C1orf21: variants seen among roughly 807,000 people sequenced by gnomAD.
C1orf21 encodes uncharacterized protein C1orf21.
In C1orf21, 3 loss-of-function variants were observed where a neutral mutation model predicts 18.7. The ratio of observed to expected loss-of-function variants is 0.16; its 90% CI spans 0.07 to 0.42. The LOEUF (loss-of-function observed/expected upper bound fraction) is 0.42, where lower values mean the gene tolerates loss of function less well. Among genes scored for constraint, C1orf21 ranks in the 10% least tolerant of loss-of-function variants. C1orf21 has a pLI of 0.99. For synonymous variants in C1orf21, 41 were observed against 46.4 expected, an observed-to-expected ratio of 0.88 and a Z score of 0.47; for missense variants, 104 against 143.6, an observed-to-expected ratio of 0.72 and a Z score of 1.41.
At chr1:184,406,339 T>G (rs1321964637) in intron 1 of C1orf21, among the ~76,000 whole-genome samples, 1 of 152,228 alleles carries the variant, frequency 6.6e-6, no homozygotes, top group Non-Finnish European at 1.5e-5. Context: ...TCTTAAATAT[T>G]GTCAATCACA....
At position 184,522,748 on chromosome 1, in the gene C1orf21, C is replaced by T. The variant is rs574035442; in HGVS notation, c.189+15066C>T. On this transcript the variant is annotated intron_variant, in intron 3 of 5. Coordinates refer to ENST00000235307, the MANE Select transcript of C1orf21 (RefSeq NM_030806.4). ...ATTTGCCCAGGCTGGAGTGCAGTGG[C>T]GCAATTTTGGCTCACTGCAGCCTTG... is the stretch of plus-strand genomic sequence containing the variant. Among the ~76,000 whole-genome samples, 98 of 152,206 alleles carry T rather than the reference C, an allele frequency of 6.4e-4. 1 individual carries two copies. The highest frequency in any genetic ancestry group is 3.4e-3 in the Middle Eastern group (1 of 294).
chr1:184,572,675 C>T (rs1454296486), intron 3 of C1orf21, among the ~76,000 whole-genome samples: 2 of 152,062 alleles, frequency 1.3e-5, no homozygotes, highest in Non-Finnish European at 1.5e-5. Flanking sequence ...TGCTTCAGGC[C>T]AGGTGCGGTG....
At chr1:184,473,451 T>A (rs1657523975) in intron 1 of C1orf21, among the ~76,000 whole-genome samples, 1 of 150,716 alleles carries the variant, frequency 6.6e-6, no homozygotes, top group African/African-American at 2.4e-5. Context: ...GCAAAGCGAA[T>A]GAAAAAATGG....
At chr1:184,431,407 G>C (rs12750408) in intron 1 of C1orf21, among the ~76,000 whole-genome samples, 9,028 of 152,224 alleles carry the variant, frequency 0.059, 387 homozygotes, top group Middle Eastern at 0.12. Flanking sequence ...GGGAAATCTG[G>C]CTAGCCATAT....
At chr1:184,579,181 G>A (rs907671568) in intron 3 of C1orf21, among the ~76,000 whole-genome samples, 10 of 149,216 alleles carry the variant, frequency 6.7e-5, no homozygotes, top group Non-Finnish European at 1.5e-4. Flanking sequence ...GGGACTACAG[G>A]AGTGCACCAC....
intron 1 of C1orf21, among the ~76,000 whole-genome samples, chr1:184,468,867 G>A (rs12067483): frequency 0.11 from 17,158 of 151,758 alleles, 1,235 homozygotes; most frequent in African/African-American, 0.2. Flanking sequence ...GCAGTGAGCC[G>A]AGATTGTGCC....
At chr1:184,487,176 T>C (rs1396436992) in intron 2 of C1orf21, among the ~76,000 whole-genome samples, 1 of 152,230 alleles carries the variant, frequency 6.6e-6, no homozygotes, top group Non-Finnish European at 1.5e-5. Flanking sequence ...CAATGGCTTC[T>C]TCCTGGACTC....
chr1:184,491,480 G>C (rs1401357150), intron 2 of C1orf21, among the ~76,000 whole-genome samples: 2 of 151,798 alleles, frequency 1.3e-5, no homozygotes, highest in African/African-American at 4.8e-5. Flanking sequence ...CTCCTAAATA[G>C]CTGGGACTAC....
chr1:184,419,033 T>C (rs952118165), intron 1 of C1orf21, among the ~76,000 whole-genome samples: 10 of 152,196 alleles, frequency 6.6e-5, no homozygotes, highest in Admixed American at 1.3e-4. Flanking sequence ...TTCCATAATA[T>C]GTCCAAGGGG....
chr1:184,437,042 T>C (rs1656869968), intron 1 of C1orf21, among the ~76,000 whole-genome samples: 1 of 151,990 alleles, frequency 6.6e-6, no homozygotes, highest in Non-Finnish European at 1.5e-5. Flanking sequence ...GCCTTTTCTG[T>C]CCATGGTAGA....
intron 1 of C1orf21, among the ~76,000 whole-genome samples, chr1:184,458,946 GT>G (rs1657262258): frequency 6.6e-6 from 1 of 152,144 alleles, no homozygotes; most frequent in Admixed American, 6.5e-5. Flanking sequence ...AGAAGTAAAT[GT>G]TTTTCCACTC....
intron 3 of C1orf21, among the ~76,000 whole-genome samples, chr1:184,520,029 G>C (rs911246205): frequency 3.2e-4 from 49 of 152,080 alleles, no homozygotes; most frequent in Non-Finnish European, 4.4e-5. Context: ...TGTTTAGCTT[G>C]TCAACATTAT....
intron 1 of C1orf21, among the ~76,000 whole-genome samples, chr1:184,451,462 ATTTTTTTT>A (rs374550435): frequency 2.6e-5 from 2 of 77,784 alleles, no homozygotes; most frequent in South Asian, 3.8e-4. Flanking sequence ...GGCTAATTTA[ATTTTTTTT>A]TTTTTTTTTT....
rs185480434 is a variant in C1orf21 at position 184,418,537 on chromosome 1, T to C, written c.-125+31169T>C. 1.2e-3 allele frequency among the ~76,000 whole-genome samples: 178 copies of C among 152,314 alleles called. 1 individual carries two copies. Among genetic ancestry groups the C allele is most frequent in the Admixed American group, 2.5e-3 (38 of 15,292 alleles). On this transcript the variant is annotated intron_variant, in intron 1 of 5. Coordinates refer to ENST00000235307, the MANE Select transcript of C1orf21 (RefSeq NM_030806.4). ...CGAAGTTATAACTTTTCTTCTGCGC[T>C]CTGGGAACTGCTGGACTTAGCTGTC...
chr1:184,404,917 C>A (rs549851765), intron 1 of C1orf21, among the ~76,000 whole-genome samples: 1 of 152,156 alleles, frequency 6.6e-6, no homozygotes, highest in South Asian at 2.1e-4. Context: ...TGTTTGTTTT[C>A]TGATCTGAAG....
rs1010048840 is a variant in C1orf21, at chr1:184,434,202, T to C, written c.-124-43184T>C. Among the ~76,000 whole-genome samples, 5 of 152,132 alleles carry C rather than the reference T, an allele frequency of 3.3e-5. 1 individual carries two copies. Among genetic ancestry groups the C allele is most frequent in the African/African-American group, 1.2e-4 (5 of 41,448 alleles). On this transcript the variant is annotated intron_variant, in intron 1 of 5. Coordinates refer to ENST00000235307, the MANE Select transcript of C1orf21 (RefSeq NM_030806.4). Reference sequence around the variant, plus strand: ...AATACAGAATTCAATGACTCTTGAATAAACACTGGGGTAAAAGTATGAGTG... The same window carrying C: ...AATACAGAATTCAATGACTCTTGAACAAACACTGGGGTAAAAGTATGAGTG...
chr1:184,548,214 A>AAC (rs58174774), intron 3 of C1orf21, among the ~76,000 whole-genome samples: 17,435 of 139,808 alleles, frequency 0.12, 1,003 homozygotes, highest in East Asian at 0.16. Flanking sequence ...TCAAATCCCC[A>AAC]ACACACACAC....
At chr1:184,567,329 C>T in intron 3 of C1orf21, 1 of 464,172 alleles carries the variant, frequency 2.2e-6, no homozygotes, top group South Asian at 1.7e-5. Context: ...ACCTGACTTC[C>T]AGGAAAGCAG....
At chr1:184,469,479 A>T (rs886154321) in intron 1 of C1orf21, among the ~76,000 whole-genome samples, 1 of 152,226 alleles carries the variant, frequency 6.6e-6, no homozygotes, top group Non-Finnish European at 1.5e-5. Flanking sequence ...CAATTCAATG[A>T]TGAAAACACA....
Sources: allele counts gnomAD v4.1 joint callset (sites outside exome capture counted in the v4.1 genomes callset), GRCh38; gene constraint gnomAD v4.1.1; transcripts MANE v1.5; gene names NCBI Gene and HGNC (gene_info 2026-07-23, HGNC 2026-07-21).